MSRA: variants seen among roughly 807,000 people sequenced by gnomAD.
The protein encoded by MSRA is mitochondrial peptide methionine sulfoxide reductase.
A neutral mutation model predicts 31.3 loss-of-function variants in MSRA; 54 were observed. That is an observed-to-expected ratio of 1.73 (90% confidence interval 1.39 to 2.17). The LOEUF (loss-of-function observed/expected upper bound fraction) is 2.17. Ranked by LOEUF, MSRA falls within the 30% of genes most tolerant of loss-of-function variation. The pLI, the probability that MSRA is intolerant of heterozygous loss-of-function variation, is 0.00. For synonymous variants in MSRA, 169 were observed against 116.5 expected, an observed-to-expected ratio of 1.45 and a Z score of -2.90; for missense variants, 507 against 300.9, an observed-to-expected ratio of 1.69 and a Z score of -5.07.
chr8:10,192,466 T>G (rs958675813), intron 1 of MSRA, among the ~76,000 whole-genome samples: 1 of 152,178 alleles, frequency 6.6e-6, no homozygotes, highest in African/African-American at 2.4e-5. Flanking sequence ...ACACCCAGCT[T>G]CCTATTCTAA....
At position 10,240,967 on chromosome 8, in the gene MSRA, C is replaced by A. The variant is rs1812362425; in HGVS notation, c.212-4137C>A. ...GTGGGTGCTGGGGGAGTCTGGCTTCCTATTCGTGCAGCTCACGCGTGCCCT... is the reference window on the plus strand; with the variant it reads ...GTGGGTGCTGGGGGAGTCTGGCTTCATATTCGTGCAGCTCACGCGTGCCCT... On this transcript the variant is annotated intron_variant, in intron 2 of 5. Transcript: ENST00000317173. Among the ~76,000 whole-genome samples the A allele has an allele frequency of 2.6e-5, 4 of 152,058 alleles. No individual in the cohort carries two copies. In the South Asian group the frequency reaches 8.3e-4, roughly 32 times the overall value.
chr8:10,128,539 G>A (rs920298414), intron 1 of MSRA, among the ~76,000 whole-genome samples: 1 of 152,086 alleles, frequency 6.6e-6, no homozygotes, highest in African/African-American at 2.4e-5. Context: ...TTCTCCTGGG[G>A]CATCACAGCT....
chr8:10,391,633 C>G (rs1806753610), intron 5 of MSRA, among the ~76,000 whole-genome samples: 1 of 152,190 alleles, frequency 6.6e-6, no homozygotes, highest in Non-Finnish European at 1.5e-5. Context: ...GTTCCCTGGG[C>G]CACACACTGG....
At chr8:10,191,064 C>T (rs186439544) in intron 1 of MSRA, among the ~76,000 whole-genome samples, 1 of 152,188 alleles carries the variant, frequency 6.6e-6, no homozygotes, top group Non-Finnish European at 1.5e-5. Context: ...TCTTCTGCTG[C>T]TTAGACTAGA....
intron 5 of MSRA, among the ~76,000 whole-genome samples, chr8:10,422,681 C>G (rs546000306): frequency 1.3e-5 from 2 of 152,204 alleles, no homozygotes; most frequent in Admixed American, 1.3e-4. Flanking sequence ...GGTCATTCCT[C>G]CCCTGAAGTG....
chr8:10,298,737 T>C (rs1043609028), intron 3 of MSRA, among the ~76,000 whole-genome samples: 3 of 152,222 alleles, frequency 2.0e-5, no homozygotes, highest in Non-Finnish European at 4.4e-5. Flanking sequence ...TAGTAAAATA[T>C]GTGGTATTTT....
At chr8:10,114,513 A>T (rs1013495840) in intron 1 of MSRA, among the ~76,000 whole-genome samples, 13 of 140,922 alleles carry the variant, frequency 9.2e-5, no homozygotes, top group Admixed American at 2.1e-4. Context: ...TATTATTATT[A>T]TTTTTTAAAT....
intron 1 of MSRA, among the ~76,000 whole-genome samples, chr8:10,143,223 A>G (rs561255479): frequency 4.6e-5 from 7 of 152,174 alleles, no homozygotes; most frequent in Non-Finnish European, 8.8e-5. Flanking sequence ...TCCTGTGCAC[A>G]TGTACTTATC....
At chr8:10,060,125 C>G (rs531712478) in intron 1 of MSRA, among the ~76,000 whole-genome samples, 2 of 151,728 alleles carry the variant, frequency 1.3e-5, no homozygotes, top group African/African-American at 4.8e-5. Flanking sequence ...ATCGTCTGGA[C>G]ATAACTGCTA....
intron 2 of MSRA, among the ~76,000 whole-genome samples, chr8:10,227,965 C>A (rs1417178998): frequency 6.6e-6 from 1 of 152,148 alleles, no homozygotes; most frequent in Non-Finnish European, 1.5e-5. Flanking sequence ...GCCACGTATT[C>A]ATCTTCCTTG....
chr8:10,061,649 A>G (rs1478701465), intron 1 of MSRA, among the ~76,000 whole-genome samples: 1 of 151,892 alleles, frequency 6.6e-6, no homozygotes, highest in Non-Finnish European at 1.5e-5. Flanking sequence ...GAACGTTGGG[A>G]AGAATATGGT....
intron 1 of MSRA, among the ~76,000 whole-genome samples, chr8:10,090,299 C>A (rs574628142): frequency 6.6e-6 from 1 of 152,010 alleles, no homozygotes; most frequent in Non-Finnish European, 1.5e-5. Context: ...CAGAAGGGAG[C>A]GATGTTTGGA....
At chr8:10,137,778 C>T (rs1802397131) in intron 1 of MSRA, among the ~76,000 whole-genome samples, 1 of 152,074 alleles carries the variant, frequency 6.6e-6, no homozygotes, top group Non-Finnish European at 1.5e-5. Context: ...TCCAGGTAAC[C>T]CCCTGAAACT....
intron 1 of MSRA, among the ~76,000 whole-genome samples, chr8:10,192,560 G>T (rs1807601137): frequency 2.0e-5 from 3 of 152,196 alleles, no homozygotes; most frequent in South Asian, 4.1e-4. Flanking sequence ...TCCTCTCCAT[G>T]GGAAGAAAAC....
At chr8:10,094,226 G>A (rs1177129866) in intron 1 of MSRA, among the ~76,000 whole-genome samples, 1 of 152,072 alleles carries the variant, frequency 6.6e-6, no homozygotes, top group African/African-American at 2.4e-5. Flanking sequence ...GTAATATGTG[G>A]TTTTGTCTTT....
intron 5 of MSRA, among the ~76,000 whole-genome samples, chr8:10,344,440 G>C (rs1355562755): frequency 1.3e-5 from 2 of 151,878 alleles, no homozygotes; most frequent in Non-Finnish European, 2.9e-5. Flanking sequence ...CAGGCGTGGT[G>C]GTGGGCTCCT....
At chr8:10,316,651 C>G in intron 4 of MSRA, among the ~76,000 whole-genome samples, 1 of 148,716 alleles carries the variant, frequency 6.7e-6, no homozygotes, top group East Asian at 2.0e-4. Context: ...TTCATTTATT[C>G]AGTGTTTTAA....
At chr8:10,258,096 G>C (rs905643686) in intron 3 of MSRA, among the ~76,000 whole-genome samples, 1 of 152,132 alleles carries the variant, frequency 6.6e-6, no homozygotes, top group African/African-American at 2.4e-5. Context: ...GGATAGGGAG[G>C]GGGTAGGCTA....
chr8:10,291,926 GGTT>G (rs1351356285), intron 3 of MSRA, among the ~76,000 whole-genome samples: 2 of 152,152 alleles, frequency 1.3e-5, no homozygotes, highest in Admixed American at 6.5e-5. Context: ...GTGGCACAAG[GGTT>G]GTTTGTTGTC....
Sources: allele counts gnomAD v4.1 joint callset (sites outside exome capture counted in the v4.1 genomes callset), GRCh38; gene constraint gnomAD v4.1.1; transcripts MANE v1.5; gene names NCBI Gene and HGNC (gene_info 2026-07-23, HGNC 2026-07-21).